The following NAA16 variants were observed in gnomAD, a reference collection of about 807,000 sequenced individuals.
NAA16 encodes NARG1-like protein.
A neutral mutation model predicts 110.3 loss-of-function variants in NAA16; 97 were observed. The ratio of observed to expected loss-of-function variants is 0.88; its 90% CI spans 0.75 to 1.04. NAA16 has a LOEUF of 1.04. Among genes scored for constraint, NAA16 ranks in the 50% least tolerant of loss-of-function variants. The pLI, the probability that NAA16 is intolerant of heterozygous loss-of-function variation, is 0.00. For synonymous variants in NAA16, 372 were observed against 330.6 expected (o/e 1.13, Z -1.36); for missense variants, 1,017 against 1,005.1 (o/e 1.01, Z -0.16).
In NAA16 at chr13:41,362,157, A is replaced by T. The variant is rs757408132; in HGVS notation, c.1537A>T (p.Arg513Trp). 2 of 1,598,118 alleles carry T rather than the reference A, an allele frequency of 1.3e-6. No individual in the cohort carries two copies. The highest frequency in any genetic ancestry group is 1.7e-6 in the Non-Finnish European group (2 of 1,174,858). The change falls in exon 13 of 20, where the codon AGG (arginine) becomes TGG (tryptophan). Residue 513 changes from arginine to tryptophan, a missense_variant and splice_region_variant. Arg to Trp is a moderately radical substitution (Grantham distance 101, BLOSUM62 -3). Transcript: ENST00000379406. The stretch of plus-strand genomic sequence containing the variant: ...CTTGAAAAAATGTCATGAAGTAGAA[A>T]GGGTAAGTTGTTAGAATTTCGACTT... ...DALKKCHEVERHFFEITDDQF... is the reference protein window; with the variant it reads ...DALKKCHEVEWHFFEITDDQF...
chr13:41,363,853 C>G (rs926169222), intron 13 of NAA16, among the ~76,000 whole-genome samples: 1 of 152,092 alleles, frequency 6.6e-6, no homozygotes, highest in Non-Finnish European at 1.5e-5. Context: ...AGAACCTACT[C>G]TTATACCAGT....
chr13:41,319,026 T>A (rs2041879723), intron 3 of NAA16, 116 bp downstream of exon 3: 2 of 486,378 alleles, frequency 4.1e-6, no homozygotes. Context: ...TAATGAACTC[T>A]GTGTATCCAT....
intron 1 of NAA16, among the ~76,000 whole-genome samples, chr13:41,316,201 C>T (rs2041804715): frequency 6.6e-6 from 1 of 152,162 alleles, no homozygotes; most frequent in Non-Finnish European, 1.5e-5. Flanking sequence ...ATGATCTCGG[C>T]TCACTGCAGC....
In NAA16 at chr13:41,325,712, A is replaced by G. The variant is rs1566250320; in HGVS notation, c.552A>G (p.Lys184=). ...FRQTQQVPPN[K]IDYEYSELIL... ...TTTTTTTTCAGGTTCCTCCAAACAA[A>G]ATAGATTATGAATATAGTGAATTGA... The change falls in exon 6 of 20, where the codon AAA becomes AAG. Residue 184 remains lysine, a synonymous_variant. Transcript: ENST00000379406. 1 of 1,577,198 alleles carries G rather than the reference A, an allele frequency of 6.3e-7. No individual in the cohort carries two copies. Among genetic ancestry groups the G allele is most frequent in the Non-Finnish European group, 8.6e-7 (1 of 1,160,018 alleles).
At chr13:41,370,630 T>G (rs1016101995) in intron 15 of NAA16, among the ~76,000 whole-genome samples, 1 of 152,204 alleles carries the variant, frequency 6.6e-6, no homozygotes, top group Non-Finnish European at 1.5e-5. Context: ...GTCTCTGAAG[T>G]GAGGAAGTAC....
chr13:41,329,320 A>G (rs2042174023), intron 7 of NAA16, among the ~76,000 whole-genome samples: 1 of 151,986 alleles, frequency 6.6e-6, no homozygotes, highest in African/African-American at 2.4e-5. Flanking sequence ...AATGTTACAT[A>G]TCTTCCTTTG....
chr13:41,372,408 T>G, intron 16 of NAA16, 97 bp downstream of exon 16: 1 of 1,383,324 alleles, frequency 7.2e-7, no homozygotes, highest in Non-Finnish European at 9.4e-7. Flanking sequence ...TCTTAGATTT[T>G]CATTTTAGCC....
chr13:41,318,824 G>A lies in NAA16; in HGVS notation c.158G>A (p.Gly53Glu). 4 of 1,575,248 alleles carry A rather than the reference G, an allele frequency of 2.5e-6. No individual in the cohort carries two copies. Among genetic ancestry groups the A allele is most frequent in the South Asian group, 1.2e-5 (1 of 83,540 alleles). Reference sequence around the variant, plus strand: ...TTTTCAGAGACTTTGGCTATGAAAGGATTAACACTGAACTGTTTAGGAAAA... The same window carrying A: ...TTTTCAGAGACTTTGGCTATGAAAGAATTAACACTGAACTGTTTAGGAAAA... Reference protein sequence around the residue: ...AEHGETLAMKGLTLNCLGKKE... With the variant: ...AEHGETLAMKELTLNCLGKKE... Residue 53 changes from glycine to glutamate, a missense_variant, in exon 3 of 20, where the codon GGA becomes GAA. Gly to Glu is a moderately conservative substitution (Grantham distance 98). Transcript: ENST00000379406.
chr13:41,343,622 T>C (rs2042610519), intron 9 of NAA16, among the ~76,000 whole-genome samples: 1 of 152,174 alleles, frequency 6.6e-6, no homozygotes. Flanking sequence ...CCTCCACCTC[T>C]GGGTTCAAGT....
intron 9 of NAA16, among the ~76,000 whole-genome samples, chr13:41,341,225 A>G (rs2042536883): frequency 6.6e-6 from 1 of 152,190 alleles, no homozygotes; most frequent in Non-Finnish European, 1.5e-5. Context: ...TGCTGTATAT[A>G]GCATAGAGAT....
intron 5 of NAA16, among the ~76,000 whole-genome samples, chr13:41,325,372 A>T (rs1424776046): frequency 6.6e-6 from 1 of 151,954 alleles, no homozygotes; most frequent in Non-Finnish European, 1.5e-5. Flanking sequence ...GTCTTCATTG[A>T]TATTTTATTC....
chr13:41,356,085 T>C (rs2042974497), intron 10 of NAA16, among the ~76,000 whole-genome samples: 1 of 152,204 alleles, frequency 6.6e-6, no homozygotes, highest in Non-Finnish European at 1.5e-5. Flanking sequence ...GCTCAAGTGA[T>C]CCTCCCACCT....
intron 8 of NAA16, among the ~76,000 whole-genome samples, chr13:41,333,842 GTT>G (rs1282738678): frequency 6.9e-6 from 1 of 145,330 alleles, no homozygotes. Flanking sequence ...AGAGCTTAGA[GTT>G]TTTTTTTTTA....
At chr13:41,347,257 A>G (rs2042711565) in intron 9 of NAA16, among the ~76,000 whole-genome samples, 1 of 150,628 alleles carries the variant, frequency 6.6e-6, no homozygotes, top group Non-Finnish European at 1.5e-5. Context: ...AGAAATCAGG[A>G]AGTGTGACTC....
chr13:41,368,104 T>A lies in NAA16; in HGVS notation c.1753+452T>A, dbSNP rs9566756. On this transcript the variant is annotated intron_variant, in intron 14 of 19. Transcript: ENST00000379406. ...TGGACTAGTTTTTTTCTTTCTTTTT[T>A]AAAAAATTGTAACTGAAAATAGCTT... is the stretch of plus-strand genomic sequence containing the variant. 9.5e-4 allele frequency among the ~76,000 whole-genome samples: 144 copies of A among 152,272 alleles called. 4 individuals carry two copies. In the East Asian group the frequency reaches 0.024, roughly 25 times the overall value.
chr13:41,340,513 A>T (rs1032329762), intron 9 of NAA16, among the ~76,000 whole-genome samples: 1 of 151,942 alleles, frequency 6.6e-6, no homozygotes, highest in Non-Finnish European at 1.5e-5. Context: ...TGTCCCAGAG[A>T]TCGTGGTATG....
chr13:41,326,292 A>G (rs1371588177), intron 6 of NAA16, among the ~76,000 whole-genome samples: 1 of 152,192 alleles, frequency 6.6e-6, no homozygotes, highest in Non-Finnish European at 1.5e-5. Flanking sequence ...GGATCCCTAT[A>G]GTTTTAACAG....
chr13:41,320,076 G>A (rs1343493675), intron 3 of NAA16, among the ~76,000 whole-genome samples: 2 of 152,104 alleles, frequency 1.3e-5, no homozygotes, highest in African/African-American at 2.4e-5. Context: ...GTGAAGAGAA[G>A]GGCATGTAAG....
chr13:41,342,606 A>G (rs1176197574), intron 9 of NAA16, among the ~76,000 whole-genome samples: 1 of 152,176 alleles, frequency 6.6e-6, no homozygotes, highest in Non-Finnish European at 1.5e-5. Flanking sequence ...ACTAGAAACA[A>G]ACAACTAACA....
Sources: gnomAD v4.1 joint callset for allele counts (sites outside exome capture counted in the v4.1 genomes callset) on GRCh38, gnomAD v4.1.1 for gene constraint, MANE v1.5 for transcripts, NCBI Gene and HGNC (gene_info 2026-07-23, HGNC 2026-07-21) for gene names.